ZFP30: variants seen among roughly 807,000 people sequenced by gnomAD.
The protein encoded by ZFP30 is zinc finger protein 30 homolog.
ZFP30 carries 16 observed loss-of-function variants against 12.3 expected under a neutral mutation model. The observed-to-expected ratio is 1.30, with a 90% CI of 0.88 to 1.98. The LOEUF (loss-of-function observed/expected upper bound fraction) is 1.98, where lower values mean the gene tolerates loss of function less well. Ranked by LOEUF, ZFP30 falls within the 30% of genes most tolerant of loss-of-function variation. The pLI, the probability that ZFP30 is intolerant of heterozygous loss-of-function variation, is 0.00. For synonymous variants in ZFP30, 172 were observed against 201.0 expected, an observed-to-expected ratio of 0.86 and a Z score of 1.22; for missense variants, 560 against 611.2, an observed-to-expected ratio of 0.92 and a Z score of 0.88.
intron 2 of ZFP30, among the ~76,000 whole-genome samples, chr19:37,653,991 A>C (rs545336154): frequency 9.9e-4 from 151 of 152,324 alleles, no homozygotes; most frequent in African/African-American, 3.5e-3. Context: ...AGCTGATAGG[A>C]AATGACTGAG....
chr19:37,651,049 G>A (rs1432118778), intron 2 of ZFP30, among the ~76,000 whole-genome samples: 1 of 151,688 alleles, frequency 6.6e-6, no homozygotes, highest in East Asian at 1.9e-4. Context: ...GCCTCAATAT[G>A]GTTTTATTCT....
chr19:37,640,018 A>ATTTT (rs2044404108), intron 5 of ZFP30, among the ~76,000 whole-genome samples: 1 of 152,228 alleles, frequency 6.6e-6, no homozygotes, highest in South Asian at 2.1e-4. Flanking sequence ...AACTAAAATT[A>ATTTT]TTAATGTTTA....
rs115834970 is a variant in ZFP30 at position 37,641,328 on chromosome 19, T to C, written c.235+1937A>G. 4.2e-3 allele frequency among the ~76,000 whole-genome samples: 636 copies of C among 152,374 alleles called. 7 individuals carry two copies. The highest frequency in any genetic ancestry group is 0.014 in the African/African-American group (587 of 41,592). On this transcript the variant is annotated intron_variant, in intron 5 of 5. Transcript: ENST00000684514. ...GTAAAATATATTCCTTGTACTCTTA[T>C]GTATCTGCTTCCCTTCTATGGCAAA... is the stretch of plus-strand genomic sequence containing the variant.
intron 2 of ZFP30, among the ~76,000 whole-genome samples, chr19:37,648,894 CAGACTT>C (rs1057349590): frequency 2.0e-5 from 3 of 152,076 alleles, no homozygotes; most frequent in African/African-American, 4.8e-5. Context: ...TCTTGGTACT[CAGACTT>C]AGAGAAGTAA....
chr19:37,631,122 C>G lies in ZFP30; in HGVS notation c.*3859G>C, dbSNP rs1357668909. 6.6e-6 allele frequency: 1 copy of G among 152,194 alleles called. No individual in the cohort carries two copies. Among genetic ancestry groups the G allele is most frequent in the Non-Finnish European group, 1.5e-5 (1 of 68,050 alleles). 9.4% of individuals were successfully genotyped at this position (152,194 alleles called of 1,614,324 possible). ...GGGAAACATACCTCACATCCACCTT[C>G]CAACACAACTAACCACCTGACATGA... On this transcript the variant is annotated 3_prime_UTR_variant, in exon 6 of 6. Coordinates refer to ENST00000684514, the MANE Select transcript of ZFP30 (RefSeq NM_001320669.3).
chr19:37,639,346 A>T (rs1414723531), intron 5 of ZFP30, among the ~76,000 whole-genome samples: 1 of 152,236 alleles, frequency 6.6e-6, no homozygotes, highest in Non-Finnish European at 1.5e-5. Context: ...TTAAAAATAA[A>T]ACCAGTAATC....
chr19:37,646,936 G>A (rs2044554268), intron 3 of ZFP30, among the ~76,000 whole-genome samples: 1 of 151,914 alleles, frequency 6.6e-6, no homozygotes, highest in South Asian at 2.1e-4. Context: ...ATTACACTGT[G>A]AAATAATATT....
chr19:37,636,058 CCCA>C lies in ZFP30; in HGVS notation c.480_482del (p.Cys160_Gly161delinsTrp). On this transcript the variant is annotated inframe_deletion, in exon 6 of 6. Coordinates refer to ENST00000684514, the MANE Select transcript of ZFP30 (RefSeq NM_001320669.3). ...GTACTCTAAAAGCCTTCCCACATTC[CCCA>C]CATTCGTAGGGTTTCTCTCTGTTAT... 2 of 1,614,116 alleles carry C rather than the reference CCCA, an allele frequency of 1.2e-6. No individual in the cohort carries two copies. The highest frequency in any genetic ancestry group is 1.7e-6 in the Non-Finnish European group (2 of 1,180,026).
rs967883413 is a variant in ZFP30, at chr19:37,654,767, T to C, written c.-133A>G. Reference sequence around the variant, plus strand: ...ATTCGTTTCTCCTTCTCAAGCGCCTTCTCTGGAAACTGGCAGGGCTGGGGA... The same window carrying C: ...ATTCGTTTCTCCTTCTCAAGCGCCTCCTCTGGAAACTGGCAGGGCTGGGGA... On this transcript the variant is annotated 5_prime_UTR_variant, in exon 2 of 6. Transcript: ENST00000684514. 6.6e-6 allele frequency: 1 copy of C among 152,252 alleles called. No individual in the cohort carries two copies. Among genetic ancestry groups the C allele is most frequent in the African/African-American group, 2.4e-5 (1 of 41,412 alleles). The allele number at this position is 152,252 out of a possible 1,614,324, so 9.4% of individuals were successfully genotyped here. A position where few individuals can be genotyped will look rare whatever the true frequency, so the allele number is the denominator to read the frequency against.
intron 2 of ZFP30, among the ~76,000 whole-genome samples, chr19:37,652,537 C>T (rs1026768947): frequency 6.6e-6 from 1 of 151,962 alleles, no homozygotes; most frequent in African/African-American, 2.4e-5. Context: ...CACTGCACTC[C>T]AGCCTGGGAA....
intron 3 of ZFP30, among the ~76,000 whole-genome samples, chr19:37,645,523 G>A (rs2044526122): frequency 6.7e-6 from 1 of 149,762 alleles, no homozygotes; most frequent in African/African-American, 2.5e-5. Flanking sequence ...TTCCAAACAA[G>A]CTACAGCTTG....
chr19:37,631,775 T>C lies in ZFP30; in HGVS notation c.*3206A>G, dbSNP rs1453914834. The C allele has an allele frequency of 6.6e-6, 1 of 151,740 alleles. No individual in the cohort carries two copies. The highest frequency in any genetic ancestry group is 6.6e-5 in the Admixed American group (1 of 15,242). 9.4% of individuals were successfully genotyped at this position (151,740 alleles called of 1,614,324 possible). The stretch of plus-strand genomic sequence containing the variant: ...TACTATCATTATGATGTTCTGAAGG[T>C]AGAATGCCTAGAATCTAAATATATA... On this transcript the variant is annotated 3_prime_UTR_variant, in exon 6 of 6. Transcript: ENST00000684514.
chr19:37,650,388 A>T (rs2147289079), intron 2 of ZFP30, among the ~76,000 whole-genome samples: 1 of 152,242 alleles, frequency 6.6e-6, no homozygotes, highest in East Asian at 1.9e-4. Flanking sequence ...TACAGGCTTG[A>T]GCCACTGCAC....
Position 37,631,586 on chromosome 19 carries a change from C to T in ZFP30, c.*3395G>A. 1 of 148,748 alleles carries T rather than the reference C, an allele frequency of 6.7e-6. No individual in the cohort carries two copies. The highest frequency in any genetic ancestry group is 2.0e-4 in the East Asian group (1 of 5,106). The allele number at this position is 148,748 out of a possible 1,614,324, so 9.2% of individuals were successfully genotyped here. The stretch of plus-strand genomic sequence containing the variant: ...CAACTGATGCAATCATTTATAAGAA[C>T]TCTGTCTTTATTAATTTTGAGAAGG... On this transcript the variant is annotated 3_prime_UTR_variant, in exon 6 of 6. Coordinates refer to ENST00000684514, the MANE Select transcript of ZFP30 (RefSeq NM_001320669.3).
intron 5 of ZFP30, 80 bp from the exon 6 acceptor site, chr19:37,636,385 G>T: frequency 2.6e-5 from 27 of 1,022,330 alleles, no homozygotes; most frequent in South Asian, 4.6e-5. Flanking sequence ...AGAAATCGGT[G>T]ACCAAAAAAA....
rs1234977557 is a variant in ZFP30 at position 37,633,272 on chromosome 19, A to G, written c.*1709T>C. ...ACCTACATTTTAACTTCCTGAATAC[A>G]TTATCGTCATTATAGTGTAATTAAT... On this transcript the variant is annotated 3_prime_UTR_variant, in exon 6 of 6. Coordinates refer to ENST00000684514, the MANE Select transcript of ZFP30 (RefSeq NM_001320669.3). 6.6e-6 allele frequency: 1 copy of G among 152,152 alleles called. No individual in the cohort carries two copies. The highest frequency in any genetic ancestry group is 2.4e-5 in the African/African-American group (1 of 41,426). 9.4% of individuals were successfully genotyped at this position (152,152 alleles called of 1,614,324 possible). A position where few individuals can be genotyped will look rare whatever the true frequency, so the allele number is the denominator to read the frequency against.
intron 3 of ZFP30, among the ~76,000 whole-genome samples, chr19:37,645,137 G>A (rs149781827): frequency 0.013 from 1,991 of 152,054 alleles, 38 homozygotes; most frequent in Admixed American, 0.051. Context: ...CCTGGAAGAC[G>A]GAGCTTGCAG....
chr19:37,643,193 G>C lies in ZFP30; in HGVS notation c.235+72C>G, dbSNP rs117734665. 1,306 of 1,170,680 alleles carry C rather than the reference G, an allele frequency of 1.1e-3. 2 individuals are homozygous for C. The highest frequency in any genetic ancestry group is 1.5e-3 in the Non-Finnish European group (1,236 of 814,998). The allele number at this position is 1,170,680 out of a possible 1,614,324, so 72.5% of individuals were successfully genotyped here. A position where few individuals can be genotyped will look rare whatever the true frequency, so the allele number is the denominator to read the frequency against. ...CTCTTCTTCACAATTGACATCTAAG[G>C]GGTGTGTCTCCTCCTCAACCAGCAG... On this transcript the variant is annotated intron_variant, in intron 5 of 5. Transcript: ENST00000684514.
At chr19:37,653,400 A>C (rs1289547314) in intron 2 of ZFP30, among the ~76,000 whole-genome samples, 3 of 152,186 alleles carry the variant, frequency 2.0e-5, no homozygotes, top group African/African-American at 7.2e-5. Context: ...GCTCCAATAA[A>C]TAACTAATCA....
Sources: gnomAD v4.1 joint callset for allele counts (sites outside exome capture counted in the v4.1 genomes callset) on GRCh38, gnomAD v4.1.1 for gene constraint, MANE v1.5 for transcripts, NCBI Gene and HGNC (gene_info 2026-07-23, HGNC 2026-07-21) for gene names.